CSNK1G1: variants seen among roughly 807,000 people sequenced by gnomAD.
CSNK1G1 encodes casein kinase 1 gamma 1.
A neutral mutation model predicts 59.6 loss-of-function variants in CSNK1G1; 22 were observed. The ratio of observed to expected loss-of-function variants is 0.37; its 90% CI spans 0.26 to 0.53. The LOEUF is 0.53. Ranked by LOEUF, CSNK1G1 falls within the 20% of genes least tolerant of loss-of-function variation. The pLI is 0.89. For synonymous variants in CSNK1G1, 179 were observed against 177.1 expected (o/e 1.01, Z -0.08); for missense variants, 384 against 519.5 (o/e 0.74, Z 2.54).
chr15:64,172,565 A>T (rs1255834710), intron 11 of CSNK1G1, among the ~76,000 whole-genome samples: 1 of 151,822 alleles, frequency 6.6e-6, no homozygotes, highest in African/African-American at 2.4e-5. Flanking sequence ...AGAGGCCCTG[A>T]CTCTAATAAT....
At chr15:64,219,768 T>C (rs1247125248) in intron 4 of CSNK1G1, among the ~76,000 whole-genome samples, 2 of 146,352 alleles carry the variant, frequency 1.4e-5, no homozygotes, top group Non-Finnish European at 3.0e-5. Flanking sequence ...TTTCTTTTTC[T>C]TTTCTTTTCT....
chr15:64,267,214 G>C (rs1186768487), intron 2 of CSNK1G1, among the ~76,000 whole-genome samples: 1 of 144,890 alleles, frequency 6.9e-6, no homozygotes, highest in Non-Finnish European at 1.5e-5. Flanking sequence ...CCAAGACTGT[G>C]CCACTGCACT....
intron 4 of CSNK1G1, among the ~76,000 whole-genome samples, chr15:64,218,852 G>GTT (rs11364699): frequency 2.6e-4 from 30 of 114,068 alleles, no homozygotes; most frequent in South Asian, 6.2e-4. Flanking sequence ...AATTTGAAGT[G>GTT]TTTTTTTTTT....
chr15:64,310,472 T>G (rs1895931957), intron 1 of CSNK1G1, among the ~76,000 whole-genome samples: 2 of 151,750 alleles, frequency 1.3e-5, no homozygotes, highest in Non-Finnish European at 2.9e-5. Context: ...TCCCAGCACT[T>G]TGGAAGGCCA....
intron 1 of CSNK1G1, among the ~76,000 whole-genome samples, chr15:64,340,432 G>T (rs886562922): frequency 6.6e-6 from 1 of 152,036 alleles, no homozygotes; most frequent in Non-Finnish European, 1.5e-5. Context: ...ATTTCTCCTT[G>T]TAGTTGTTAT....
intron 4 of CSNK1G1, among the ~76,000 whole-genome samples, chr15:64,225,095 A>G (rs529478823): frequency 7.1e-6 from 1 of 140,854 alleles, no homozygotes; most frequent in Admixed American, 7.6e-5. Flanking sequence ...TGCAACCTCT[A>G]CCTCCTGGGT....
At chr15:64,325,938 T>C (rs969539141) in intron 1 of CSNK1G1, among the ~76,000 whole-genome samples, 3 of 152,204 alleles carry the variant, frequency 2.0e-5, no homozygotes, top group Non-Finnish European at 4.4e-5. Context: ...TCATATCTTA[T>C]ATTACATCAC....
chr15:64,238,942 A>C (rs1417345421), intron 4 of CSNK1G1, among the ~76,000 whole-genome samples: 2 of 152,136 alleles, frequency 1.3e-5, no homozygotes, highest in Non-Finnish European at 2.9e-5. Context: ...AGGACCCAAA[A>C]GTCTTTTCCA....
chr15:64,213,192 T>C (rs960060099), intron 6 of CSNK1G1, among the ~76,000 whole-genome samples: 1 of 152,070 alleles, frequency 6.6e-6, no homozygotes, highest in African/African-American at 2.4e-5. Flanking sequence ...AATAGAATCT[T>C]CCATGGAAGC....
chr15:64,332,640 A>C (rs1041952195), intron 1 of CSNK1G1, among the ~76,000 whole-genome samples: 3 of 151,238 alleles, frequency 2.0e-5, no homozygotes, highest in Admixed American at 6.6e-5. Flanking sequence ...TAACCTGCAA[A>C]ATGTGCACAT....
intron 1 of CSNK1G1, among the ~76,000 whole-genome samples, chr15:64,306,445 C>T (rs1469513101): frequency 6.6e-6 from 1 of 152,162 alleles, no homozygotes; most frequent in Non-Finnish European, 1.5e-5. Flanking sequence ...TACCACTATA[C>T]ACTTATTAGA....
chr15:64,307,174 G>A (rs957445210), intron 1 of CSNK1G1, among the ~76,000 whole-genome samples: 10 of 151,856 alleles, frequency 6.6e-5, no homozygotes, highest in Non-Finnish European at 1.0e-4. Flanking sequence ...ATATTGGTTC[G>A]TTAACTACTA....
chr15:64,254,135 G>A (rs754241572), intron 3 of CSNK1G1, among the ~76,000 whole-genome samples: 12 of 151,440 alleles, frequency 7.9e-5, no homozygotes, highest in African/African-American at 1.9e-4. Context: ...GCAAGACTCC[G>A]TCTCCAAAAA....
chr15:64,181,291 A>G (rs754123151), intron 10 of CSNK1G1: 17 of 1,536,000 alleles, frequency 1.1e-5, no homozygotes, highest in Non-Finnish European at 1.3e-5. Context: ...TGTGGACCCA[A>G]TCAGGCTTCT....
chr15:64,289,382 T>C (rs959180312), intron 2 of CSNK1G1, among the ~76,000 whole-genome samples: 14 of 152,308 alleles, frequency 9.2e-5, no homozygotes, highest in African/African-American at 3.1e-4. Context: ...TTTATTTTGA[T>C]GGATTATGCT....
At chr15:64,252,612 T>C (rs1025139899) in intron 3 of CSNK1G1, among the ~76,000 whole-genome samples, 1 of 152,240 alleles carries the variant, frequency 6.6e-6, no homozygotes, top group Non-Finnish European at 1.5e-5. Context: ...CGTGAACTGT[T>C]TTCATTTTCC....
intron 1 of CSNK1G1, among the ~76,000 whole-genome samples, chr15:64,339,603 C>A (rs1897584157): frequency 6.6e-6 from 1 of 152,120 alleles, no homozygotes; most frequent in Non-Finnish European, 1.5e-5. Context: ...ATGAGCCCAG[C>A]CAGCAATCTG....
chr15:64,292,957 T>A (rs1383866652), intron 2 of CSNK1G1, among the ~76,000 whole-genome samples: 2 of 152,020 alleles, frequency 1.3e-5, no homozygotes, highest in African/African-American at 4.8e-5. Flanking sequence ...ATATCATCTA[T>A]CTACTTATTC....
chr15:64,222,437 C>CAAAAAAAAAAAA (rs1170075981), intron 4 of CSNK1G1, among the ~76,000 whole-genome samples: 6 of 68,958 alleles, frequency 8.7e-5, no homozygotes, highest in Non-Finnish European at 1.1e-4. Context: ...ACAACACCAC[C>CAAAAAAAAAAAA]AAAAAAAAAA....
Sources: allele counts gnomAD v4.1 joint callset (sites outside exome capture counted in the v4.1 genomes callset), GRCh38; gene constraint gnomAD v4.1.1; transcripts MANE v1.5; gene names NCBI Gene and HGNC (gene_info 2026-07-23, HGNC 2026-07-21).